The following EDA variants were observed in gnomAD, a reference collection of about 807,000 sequenced individuals.
EDA encodes ectodysplasin-A.
EDA carries 2 observed loss-of-function variants against 23.6 expected under a neutral mutation model. That is an observed-to-expected ratio of 0.08 (90% confidence interval 0.03 to 0.27). The LOEUF (loss-of-function observed/expected upper bound fraction) is 0.27. Ranked by LOEUF, EDA falls within the 10% of genes least tolerant of loss-of-function variation. EDA has a pLI of 1.00. For missense variants in EDA, 229 were observed against 324.2 expected, an observed-to-expected ratio of 0.71 and a Z score of 2.26; for synonymous variants, 131 against 132.0, an observed-to-expected ratio of 0.99 and a Z score of 0.05.
chrX:69,678,153 A>C (rs1200015691), intron 1 of EDA, among the ~76,000 whole-genome samples: 1 of 110,831 alleles, frequency 9.0e-6, no homozygotes, highest in Non-Finnish European at 1.9e-5. Context: ...GTTATTCCTG[A>C]GGGCTCTGTT....
At chrX:69,690,595 T>C (rs1242755561) in intron 1 of EDA, among the ~76,000 whole-genome samples, 1 of 111,663 alleles carries the variant, frequency 9.0e-6, no homozygotes. Context: ...GGTCTATAGT[T>C]TTCTTGTGAT....
chrX:69,740,110 G>A (rs1156821204), intron 1 of EDA, among the ~76,000 whole-genome samples: 2 of 111,162 alleles, frequency 1.8e-5, no homozygotes, highest in South Asian at 3.7e-4. Flanking sequence ...ATTTCTATAT[G>A]TAATAAGCCC....
intron 1 of EDA, among the ~76,000 whole-genome samples, chrX:69,654,454 C>A (rs1933224633): frequency 9.0e-6 from 1 of 111,399 alleles, no homozygotes; most frequent in Non-Finnish European, 1.9e-5. Flanking sequence ...TGGGTATATA[C>A]CCAAAGGATT....
chrX:69,689,282 T>C (rs1033273933), intron 1 of EDA, among the ~76,000 whole-genome samples: 1 of 90,612 alleles, frequency 1.1e-5, no homozygotes, highest in Non-Finnish European at 2.1e-5. Context: ...GTTAGTTACA[T>C]ATGTATACAT....
chrX:69,837,166 A>T (rs1244946525), intron 1 of EDA, among the ~76,000 whole-genome samples: 2 of 111,510 alleles, frequency 1.8e-5, no homozygotes, highest in Non-Finnish European at 3.8e-5. Context: ...AAGTTTGATA[A>T]TGTGTCTGGT....
At chrX:69,853,767 G>A (rs1046032745) in intron 1 of EDA, among the ~76,000 whole-genome samples, 1 of 112,386 alleles carries the variant, frequency 8.9e-6, no homozygotes, top group Non-Finnish European at 1.9e-5. Flanking sequence ...GTCAGCAAAT[G>A]TTTTCTGTAA....
At chrX:69,832,819 T>C (rs1180960658) in intron 1 of EDA, among the ~76,000 whole-genome samples, 2 of 111,456 alleles carry the variant, frequency 1.8e-5, no homozygotes, top group Non-Finnish European at 3.8e-5. Context: ...TGGGAATTCA[T>C]TCATGATTTG....
At chrX:69,787,618 C>T (rs1413994733) in intron 1 of EDA, among the ~76,000 whole-genome samples, 1 of 110,269 alleles carries the variant, frequency 9.1e-6, no homozygotes, top group Non-Finnish European at 1.9e-5. Flanking sequence ...TGAATATTGG[C>T]CCCCACTCTC....
intron 1 of EDA, among the ~76,000 whole-genome samples, chrX:69,681,330 G>T (rs1339407938): frequency 4.6e-5 from 5 of 108,498 alleles, no homozygotes; most frequent in Admixed American, 4.0e-4. Flanking sequence ...GAGTATCTTT[G>T]TGGCGTTCTC....
At chrX:69,790,884 G>A (rs940241540) in intron 1 of EDA, among the ~76,000 whole-genome samples, 1 of 108,323 alleles carries the variant, frequency 9.2e-6, no homozygotes. Context: ...TCTAATTTGT[G>A]TAATCTTTTC....
Position 69,752,913 on chromosome X carries a change from G to A in EDA, c.396+136209G>A, listed in dbSNP as rs763272766. ...TGGTAGTTTGTATATCTGTGGGATC[G>A]GTGGTGATATCTCCTTTATCATTTT... On this transcript the variant is annotated intron_variant, in intron 1 of 7. Coordinates refer to ENST00000374552, the MANE Select transcript of EDA (RefSeq NM_001399.5). Among the ~76,000 whole-genome samples, 13 of 111,488 alleles carry A rather than the reference G, an allele frequency of 1.2e-4. No individual in the cohort carries two copies. In the South Asian group the frequency reaches 3.8e-3, roughly 32 times the overall value.
chrX:69,725,399 T>G (rs1322794946), intron 1 of EDA, among the ~76,000 whole-genome samples: 1 of 112,288 alleles, frequency 8.9e-6, no homozygotes, highest in Non-Finnish European at 1.9e-5. Flanking sequence ...TCTGGCATAT[T>G]CTTGACTTAT....
chrX:69,935,973 T>C (rs1278637650), intron 1 of EDA, among the ~76,000 whole-genome samples: 4 of 107,542 alleles, frequency 3.7e-5, no homozygotes, highest in African/African-American at 6.7e-5. Context: ...TCAGAAAATA[T>C]TTTATCCTTT....
At chrX:69,668,129 C>G (rs1933752166) in intron 1 of EDA, among the ~76,000 whole-genome samples, 1 of 111,750 alleles carries the variant, frequency 8.9e-6, no homozygotes, top group Non-Finnish European at 1.9e-5. Context: ...TATAAATTCC[C>G]TTTTAGAACT....
intron 1 of EDA, among the ~76,000 whole-genome samples, chrX:69,789,659 A>G (rs896746791): frequency 3.6e-5 from 4 of 111,891 alleles, no homozygotes; most frequent in Non-Finnish European, 5.6e-5. Context: ...TGGTGATACT[A>G]TGCTATCCTA....
intron 1 of EDA, among the ~76,000 whole-genome samples, chrX:69,904,256 T>C (rs1048573582): frequency 8.9e-6 from 1 of 112,410 alleles, no homozygotes; most frequent in African/African-American, 3.2e-5. Context: ...ACAAGAATTA[T>C]TGTTAACTAT....
chrX:69,995,161 A>G lies in EDA; in HGVS notation c.503-28057A>G, dbSNP rs72628846. ...TAATATTCTGAATTTGCTTTTCAGA[A>G]CTGAAAATGGCATTGTATACATCTG... On this transcript the variant is annotated intron_variant, in intron 2 of 7. Coordinates refer to ENST00000374552, the MANE Select transcript of EDA (RefSeq NM_001399.5). Among the ~76,000 whole-genome samples, 7 of 112,284 alleles carry G rather than the reference A, an allele frequency of 6.2e-5. No individual in the cohort carries two copies. In the East Asian group the frequency reaches 1.7e-3, roughly 27 times the overall value.
At chrX:69,855,436 G>T (rs1387217507) in intron 1 of EDA, among the ~76,000 whole-genome samples, 1 of 111,906 alleles carries the variant, frequency 8.9e-6, no homozygotes, top group Non-Finnish European at 1.9e-5. Context: ...TCCAGGGTTT[G>T]TGTAGTTTTG....
At chrX:69,682,915 T>C (rs973645950) in intron 1 of EDA, among the ~76,000 whole-genome samples, 2 of 111,390 alleles carry the variant, frequency 1.8e-5, no homozygotes, top group African/African-American at 6.5e-5. Context: ...TTTATCAACA[T>C]GCAATACGTT....
Sources: gnomAD v4.1 joint callset for allele counts (sites outside exome capture counted in the v4.1 genomes callset) on GRCh38, gnomAD v4.1.1 for gene constraint, MANE v1.5 for transcripts, NCBI Gene and HGNC (gene_info 2026-07-23, HGNC 2026-07-21) for gene names.